FAM107B: variants seen among roughly 807,000 people sequenced by gnomAD.
The protein encoded by FAM107B is family with sequence similarity 107 member B.
FAM107B carries 21 observed loss-of-function variants against 31.5 expected under a neutral mutation model. The ratio of observed to expected loss-of-function variants is 0.67; its 90% confidence interval spans 0.47 to 0.96. The LOEUF (loss-of-function observed/expected upper bound fraction) is 0.96. Among genes scored for constraint, FAM107B ranks in the 40% least tolerant of loss-of-function variants. The pLI, the probability that FAM107B is intolerant of heterozygous loss-of-function variation, is 0.00. For missense variants in FAM107B, 452 were observed against 377.1 expected, an observed-to-expected ratio of 1.20 and a Z score of -1.64; for synonymous variants, 157 against 141.5, an observed-to-expected ratio of 1.11 and a Z score of -0.78.
intron 1 of FAM107B, among the ~76,000 whole-genome samples, chr10:14,755,590 C>T (rs984028565): frequency 2.6e-5 from 4 of 152,074 alleles, no homozygotes; most frequent in African/African-American, 9.7e-5. Flanking sequence ...TCAATTTAAT[C>T]CTGTCAATCA....
At chr10:14,575,473 G>A (rs1021372307) in intron 2 of FAM107B, among the ~76,000 whole-genome samples, 1 of 152,156 alleles carries the variant, frequency 6.6e-6, no homozygotes, top group Admixed American at 6.5e-5. Context: ...AGAGTGCTGG[G>A]ATTACAGGTA....
intron 1 of FAM107B, among the ~76,000 whole-genome samples, chr10:14,758,485 G>A (rs931513158): frequency 5.9e-5 from 9 of 152,008 alleles, no homozygotes; most frequent in South Asian, 2.1e-4. Context: ...TTCCATCTCC[G>A]AACAATTAAC....
chr10:14,535,912 C>T lies in FAM107B; in HGVS notation c.470-5397G>A, dbSNP rs577252819. Among the ~76,000 whole-genome samples the T allele has an allele frequency of 9.9e-5, 15 of 152,266 alleles. No homozygotes were observed. In the South Asian group the frequency reaches 3.1e-3, roughly 32 times the overall value. ...CATGCTTACAGATGGATTTTGAGTC[C>T]TTGCTTTTCATGTTTTTCCCTTTCC... On this transcript the variant is annotated intron_variant, in intron 2 of 4. Coordinates refer to ENST00000181796, the MANE Select transcript of FAM107B (RefSeq NM_031453.4).
intron 1 of FAM107B, among the ~76,000 whole-genome samples, chr10:14,766,808 C>A (rs1036207723): frequency 6.6e-6 from 1 of 150,828 alleles, no homozygotes; most frequent in African/African-American, 2.4e-5. Context: ...GATCCATAAT[C>A]AAACACTGTA....
chr10:14,665,596 C>T (rs2131470390), intron 2 of FAM107B, among the ~76,000 whole-genome samples: 1 of 152,336 alleles, frequency 6.6e-6, no homozygotes, highest in South Asian at 2.1e-4. Flanking sequence ...CAGCCTTCTT[C>T]TCTGGCTGAG....
chr10:14,532,953 G>A (rs1012159518), intron 2 of FAM107B, among the ~76,000 whole-genome samples: 4 of 152,144 alleles, frequency 2.6e-5, no homozygotes, highest in Non-Finnish European at 5.9e-5. Context: ...CCACAGGGTA[G>A]GAGGGTGCCT....
At chr10:14,583,682 G>A (rs113719583) in intron 2 of FAM107B, among the ~76,000 whole-genome samples, 2 of 152,076 alleles carry the variant, frequency 1.3e-5, no homozygotes, top group Non-Finnish European at 2.9e-5. Context: ...ATCTGGGCAC[G>A]TCCTTGCCAA....
chr10:14,750,963 C>G (rs1254237747), intron 1 of FAM107B, among the ~76,000 whole-genome samples: 1 of 152,132 alleles, frequency 6.6e-6, no homozygotes, highest in East Asian at 1.9e-4. Flanking sequence ...GATGGGGGAG[C>G]TTGGCCTCCA....
At chr10:14,691,538 C>T (rs141138823) in intron 1 of FAM107B, among the ~76,000 whole-genome samples, 36 of 152,250 alleles carry the variant, frequency 2.4e-4, no homozygotes, top group African/African-American at 6.7e-4. Flanking sequence ...TTTATCTTTA[C>T]GACAACCCTA....
intron 2 of FAM107B, among the ~76,000 whole-genome samples, chr10:14,649,282 C>T (rs1853840561): frequency 6.6e-6 from 1 of 152,186 alleles, no homozygotes; most frequent in Admixed American, 6.5e-5. Context: ...TATTTTATCC[C>T]AAAATACATT....
intron 2 of FAM107B, among the ~76,000 whole-genome samples, chr10:14,583,673 T>C (rs533464382): frequency 2.6e-3 from 392 of 152,128 alleles, no homozygotes; most frequent in African/African-American, 9.1e-3. Context: ...GCCTAACTAA[T>C]CTGGGCACGT....
At chr10:14,579,006 G>GA (rs1851550525) in intron 2 of FAM107B, among the ~76,000 whole-genome samples, 2 of 151,298 alleles carry the variant, frequency 1.3e-5, no homozygotes, top group African/African-American at 2.4e-5. Context: ...ATAACGAAGA[G>GA]AAAAAAAAGC....
intron 1 of FAM107B, among the ~76,000 whole-genome samples, chr10:14,693,914 T>C (rs557494120): frequency 1.3e-5 from 2 of 152,372 alleles, no homozygotes; most frequent in South Asian, 4.1e-4. Context: ...GATGTGTCTA[T>C]GTACAGTATT....
chr10:14,733,243 T>C (rs886583505), intron 1 of FAM107B, among the ~76,000 whole-genome samples: 1 of 152,066 alleles, frequency 6.6e-6, no homozygotes, highest in African/African-American at 2.4e-5. Context: ...CTATAGTACA[T>C]GCAATCAACC....
chr10:14,567,369 A>T (rs1455695784), intron 2 of FAM107B, among the ~76,000 whole-genome samples: 1 of 152,146 alleles, frequency 6.6e-6, no homozygotes, highest in Non-Finnish European at 1.5e-5. Flanking sequence ...TGGAAAGATA[A>T]TCTGCCGAGA....
intron 2 of FAM107B, among the ~76,000 whole-genome samples, chr10:14,662,324 C>T (rs146743268): frequency 2.6e-5 from 4 of 151,850 alleles, no homozygotes; most frequent in East Asian, 1.9e-4. Flanking sequence ...TGACCAACCA[C>T]GCTGTGTAAC....
intron 2 of FAM107B, among the ~76,000 whole-genome samples, chr10:14,568,409 ATG>A: frequency 9.2e-5 from 1 of 10,870 alleles, no homozygotes; most frequent in Non-Finnish European, 3.5e-4. Flanking sequence ...AGGCTGGCTG[ATG>A]ATCCCAGGGT....
chr10:14,611,521 TA>T (rs1564599736), intron 2 of FAM107B, among the ~76,000 whole-genome samples: 11 of 124,370 alleles, frequency 8.8e-5, no homozygotes, highest in African/African-American at 3.6e-4. Flanking sequence ...TATATATATA[TA>T]TATATATTCA....
At chr10:14,534,261 G>A (rs1300877625) in intron 2 of FAM107B, among the ~76,000 whole-genome samples, 1 of 152,064 alleles carries the variant, frequency 6.6e-6, no homozygotes, top group African/African-American at 2.4e-5. Context: ...TAGTAACAAG[G>A]GGGTGAACGG....
Sources: allele counts gnomAD v4.1 joint callset (sites outside exome capture counted in the v4.1 genomes callset), GRCh38; gene constraint gnomAD v4.1.1; transcripts MANE v1.5; gene names NCBI Gene and HGNC (gene_info 2026-07-23, HGNC 2026-07-21).